The following ARID5B variants were observed in gnomAD, a reference collection of about 807,000 sequenced individuals.
ARID5B encodes AT-rich interaction domain 5B.
In ARID5B, 13 loss-of-function variants were observed where a neutral mutation model predicts 97.2. That is an observed-to-expected ratio of 0.13 (90% CI 0.09 to 0.21). The LOEUF is 0.21. ARID5B is among the 10% of genes least tolerant of loss of function. ARID5B has a pLI of 1.00. For synonymous variants in ARID5B, 556 were observed against 570.3 expected, an observed-to-expected ratio of 0.97 and a Z score of 0.36; for missense variants, 1,210 against 1,465.3, an observed-to-expected ratio of 0.83 and a Z score of 2.84.
intron 4 of ARID5B, among the ~76,000 whole-genome samples, chr10:62,018,124 G>A (rs1839307011): frequency 1.3e-5 from 2 of 152,158 alleles, no homozygotes; most frequent in Admixed American, 6.5e-5. Flanking sequence ...TCTCTGCAAG[G>A]TGGCAATTAA....
At chr10:61,988,163 T>A (rs1176645335) in intron 3 of ARID5B, among the ~76,000 whole-genome samples, 1 of 152,240 alleles carries the variant, frequency 6.6e-6, no homozygotes, top group Non-Finnish European at 1.5e-5. Flanking sequence ...GCCGGAGTTT[T>A]TATATGACTG....
chr10:62,085,878 C>G lies in ARID5B; in HGVS notation c.1376C>G (p.Pro459Arg). ...PKSKKEKENA[P>R]KPQDAAEVSS... is the part of the protein sequence containing the mutation. ...AGCAAGAAAGAAAAAGAAAATGCCC[C>G]AAAGCCCCAGGATGCAGCAGAGGTG... Residue 459 changes from proline (P) to arginine (R), a missense_variant, in exon 9 of 10, where the codon CCA (proline) becomes CGA (arginine). Pro to Arg is a moderately radical substitution (Grantham distance 103). Around this residue, in one of 8 missense-constraint regions of ARID5B, gnomAD observed 800 missense variants for 839.1 expected, o/e 0.95. Coordinates refer to ENST00000279873, the MANE Select transcript of ARID5B (RefSeq NM_032199.3). The G allele has an allele frequency of 4.3e-6, 7 of 1,613,394 alleles. No individual in the cohort carries two copies. The highest frequency in any genetic ancestry group is 5.9e-6 in the Non-Finnish European group (7 of 1,179,920).
chr10:61,948,560 G>A (rs1371395392), intron 3 of ARID5B, among the ~76,000 whole-genome samples: 1 of 152,006 alleles, frequency 6.6e-6, no homozygotes, highest in Non-Finnish European at 1.5e-5. Flanking sequence ...TAGAGACGGG[G>A]CTTCATCGTG....
chr10:62,068,594 G>A (rs1343226663), intron 7 of ARID5B, among the ~76,000 whole-genome samples: 3 of 151,290 alleles, frequency 2.0e-5, no homozygotes, highest in Admixed American at 1.3e-4. Context: ...TGGCAGCCTC[G>A]TGGGTATTTT....
chr10:61,914,257 C>T (rs76459615), intron 2 of ARID5B, among the ~76,000 whole-genome samples: 3,111 of 152,254 alleles, frequency 0.02, 92 homozygotes, highest in African/African-American at 0.071. Flanking sequence ...GGTACTTATG[C>T]GAACATCTGA....
At chr10:61,901,814 C>T in intron 1 of ARID5B, 84 bp downstream of exon 1, 3 of 1,061,440 alleles carry the variant, frequency 2.8e-6, no homozygotes, top group Non-Finnish European at 4.3e-6. Flanking sequence ...TCTGCACCCA[C>T]CCACACCCCC....
At chr10:62,068,828 A>C (rs79682323) in intron 7 of ARID5B, among the ~76,000 whole-genome samples, 2,384 of 152,340 alleles carry the variant, frequency 0.016, 24 homozygotes, top group South Asian at 0.027. Context: ...CAGATCTTGC[A>C]TCTGTTATTT....
intron 4 of ARID5B, among the ~76,000 whole-genome samples, chr10:62,006,958 A>G (rs1034331315): frequency 7.2e-5 from 11 of 152,224 alleles, no homozygotes; most frequent in African/African-American, 2.4e-4. Context: ...ATTTGTGTCT[A>G]TATTGACTAA....
In ARID5B at chr10:62,092,300, A is replaced by G; in HGVS notation, c.2837A>G (p.Gln946Arg). 6.2e-7 allele frequency: 1 copy of G among 1,609,130 alleles called. No homozygotes were observed. Among genetic ancestry groups the G allele is most frequent in the Non-Finnish European group, 8.5e-7 (1 of 1,177,634 alleles). Residue 946 changes from glutamine (Q) to arginine (R), a missense_variant, in exon 10 of 10, where the codon CAG becomes CGG. Gln to Arg is a conservative substitution (Grantham distance 43). Coordinates refer to ENST00000279873, the MANE Select transcript of ARID5B (RefSeq NM_032199.3). ...TCCCAGTTCCAGGTCTTAGGCAGCC[A>G]GAGTCGAGACTGTCACCCCAAAGCC... ...GISQFQVLGS[Q>R]SRDCHPKACR...
chr10:61,919,879 A>G (rs758702563), intron 2 of ARID5B, among the ~76,000 whole-genome samples: 67 of 152,252 alleles, frequency 4.4e-4, no homozygotes, highest in South Asian at 8.3e-4. Context: ...CGTATGAATC[A>G]CATAAATGGT....
chr10:61,970,480 T>C (rs1456679561), intron 3 of ARID5B, among the ~76,000 whole-genome samples: 1 of 152,158 alleles, frequency 6.6e-6, no homozygotes, highest in African/African-American at 2.4e-5. Context: ...GTAGAAGATA[T>C]AGAAGGATTA....
chr10:62,069,795 A>G lies in ARID5B; in HGVS notation c.1197A>G (p.Glu399=), dbSNP rs749545514. ...SAATCTRRHY[E]RLILPYERFI... Reference sequence around the variant, plus strand: ...CCACTTGTACCCGCAGACATTATGAAAGGTAAGAAACCATTTCATGGAATT... The same window carrying G: ...CCACTTGTACCCGCAGACATTATGAGAGGTAAGAAACCATTTCATGGAATT... Residue 399 remains glutamate, a splice_region_variant and synonymous_variant, in exon 8 of 10, where the codon GAA becomes GAG. Transcript: ENST00000279873. 1 of 1,613,956 alleles carries G rather than the reference A, an allele frequency of 6.2e-7. No homozygotes were observed. Among genetic ancestry groups the G allele is most frequent in the South Asian group, 1.1e-5 (1 of 91,068 alleles).
At chr10:61,901,769 C>T (rs578073283) in intron 1 of ARID5B, 39 bp downstream of exon 1, 6 of 1,603,442 alleles carry the variant, frequency 3.7e-6, no homozygotes, top group African/African-American at 1.3e-5. Context: ...CCCGGCACCC[C>T]CCGGCACCCC....
intron 8 of ARID5B, among the ~76,000 whole-genome samples, chr10:62,077,117 A>G (rs1041924334): frequency 6.6e-5 from 10 of 152,208 alleles, no homozygotes; most frequent in South Asian, 2.1e-4. Context: ...AGTCAGTTCA[A>G]TGCAAACACC....
At chr10:61,970,753 C>T (rs1838615196) in intron 3 of ARID5B, among the ~76,000 whole-genome samples, 1 of 152,068 alleles carries the variant, frequency 6.6e-6, no homozygotes, top group Admixed American at 6.6e-5. Context: ...TTACAATGAC[C>T]TTAGTGATAA....
At chr10:61,994,194 G>A (rs979984554) in intron 3 of ARID5B, among the ~76,000 whole-genome samples, 10 of 152,080 alleles carry the variant, frequency 6.6e-5, no homozygotes, top group Admixed American at 6.5e-4. Flanking sequence ...GTGCAGGAAG[G>A]AACATGCATA....
chr10:61,916,494 C>G (rs761628100), intron 2 of ARID5B, among the ~76,000 whole-genome samples: 17 of 152,088 alleles, frequency 1.1e-4, no homozygotes, highest in Admixed American at 9.8e-4. Flanking sequence ...TAGGTCCTGA[C>G]AGATTAATAT....
chr10:62,013,467 C>A (rs1839243078), intron 4 of ARID5B, among the ~76,000 whole-genome samples: 1 of 152,028 alleles, frequency 6.6e-6, no homozygotes, highest in Non-Finnish European at 1.5e-5. Flanking sequence ...AAAATCTATT[C>A]TCTTAGCAAT....
intron 4 of ARID5B, among the ~76,000 whole-genome samples, chr10:62,038,033 T>A (rs1215179235): frequency 2.6e-5 from 4 of 152,192 alleles, no homozygotes; most frequent in Non-Finnish European, 1.5e-5. Context: ...CATTTACTGG[T>A]AGTAAGATTT....
Sources: gnomAD v4.1 joint callset for allele counts (sites outside exome capture counted in the v4.1 genomes callset) on GRCh38, gnomAD v4.1.1 for gene constraint, gnomAD v4.1.1 regional missense constraint, MANE v1.5 for transcripts, NCBI Gene and HGNC (gene_info 2026-07-23, HGNC 2026-07-21) for gene names.